Variants in KLF13 observed in about 807,000 individuals in gnomAD.
The protein encoded by KLF13 is Krueppel-like factor 13.
KLF13 carries 8 observed loss-of-function variants against 16.7 expected under a neutral mutation model. The ratio of observed to expected loss-of-function variants is 0.48; its 90% CI spans 0.28 to 0.87. The LOEUF is 0.87. Ranked by LOEUF, KLF13 falls within the 40% of genes least tolerant of loss-of-function variation. The pLI, the probability that KLF13 is intolerant of heterozygous loss-of-function variation, is 0.10. For missense variants in KLF13, 447 were observed against 452.2 expected (o/e 0.99, Z 0.10); for synonymous variants, 245 against 208.4 (o/e 1.18, Z -1.51).
At chr15:31,327,878 G>T in intron 1 of KLF13, 89 bp downstream of exon 1, 1 of 1,191,416 alleles carries the variant, frequency 8.4e-7, no homozygotes, top group Non-Finnish European at 1.0e-6. Flanking sequence ...GATGGGGCGC[G>T]AGGTGGGGGC....
intron 1 of KLF13, among the ~76,000 whole-genome samples, chr15:31,422,730 T>C (rs1338463010): frequency 1.3e-5 from 2 of 151,960 alleles, no homozygotes; most frequent in Admixed American, 6.6e-5. Flanking sequence ...AATGAACATA[T>C]AACAATAAAA....
chr15:31,395,679 C>G (rs958583654), intron 2 of KLF13, among the ~76,000 whole-genome samples: 3 of 152,166 alleles, frequency 2.0e-5, no homozygotes, highest in Admixed American at 2.0e-4. Flanking sequence ...TCATAGCCAT[C>G]GTCACGGATG....
intron 1 of KLF13, among the ~76,000 whole-genome samples, chr15:31,333,314 G>T (rs58958121): frequency 6.6e-6 from 1 of 152,210 alleles, no homozygotes; most frequent in African/African-American, 2.4e-5. Flanking sequence ...AGCCTGGGCA[G>T]CCGCCCCCGA....
intron 1 of KLF13, among the ~76,000 whole-genome samples, chr15:31,334,398 C>G (rs1368121716): frequency 6.6e-6 from 1 of 152,078 alleles, no homozygotes; most frequent in African/African-American, 2.4e-5. Context: ...GTCCTAAGTC[C>G]ACACACCTGA....
intron 1 of KLF13, among the ~76,000 whole-genome samples, chr15:31,329,271 C>T (rs946473995): frequency 7.0e-6 from 1 of 142,882 alleles, no homozygotes; most frequent in African/African-American, 2.7e-5. Flanking sequence ...GTGGGTGTGG[C>T]CCTGGGGGAG....
intron 1 of KLF13, among the ~76,000 whole-genome samples, chr15:31,428,815 A>AGAAAAG (rs1259542129): frequency 6.9e-5 from 10 of 144,038 alleles, no homozygotes; most frequent in African/African-American, 2.1e-4. Context: ...AAAAAAAAAA[A>AGAAAAG]AAAAAAAAAA....
rs374337222 is a variant in KLF13, at chr15:31,371,979, G to A, written c.578-31G>A. 47 of 1,567,184 alleles carry A rather than the reference G, an allele frequency of 3.0e-5. No individual in the cohort carries two copies. The African/African-American group carries it at 4.6e-4, about 15-fold the overall frequency. ...AGGGTGTGAAGGCGGGGCCAGGTGC[G>A]GATACTGATGCTCTGCCCCTGTGCC... On this transcript the variant is annotated intron_variant, in intron 1 of 1. Coordinates refer to ENST00000307145, the MANE Select transcript of KLF13 (RefSeq NM_015995.4).
At chr15:31,359,453 T>C (rs2039348971) in intron 1 of KLF13, among the ~76,000 whole-genome samples, 1 of 152,140 alleles carries the variant, frequency 6.6e-6, no homozygotes, top group Admixed American at 6.5e-5. Flanking sequence ...TTCTTAGGGA[T>C]TGGGGTGCTG....
rs1312840531 is a variant in KLF13 at position 31,423,115 on chromosome 15, ATATATACG to A, written n.118-12248_118-12241del. On this transcript the variant is annotated intron_variant and non_coding_transcript_variant, in intron 1 of 1. Transcript: ENST00000558225. Reference sequence around the variant, plus strand: ...CGTATATATACGTATACGTATACGTATATATACGTATATATACGTATACGTATACGTAT... The same window carrying A: ...CGTATATATACGTATACGTATACGTATATATATACGTATACGTATACGTAT... Among the ~76,000 whole-genome samples, 3 of 129,078 alleles carry A rather than the reference ATATATACG, an allele frequency of 2.3e-5. 1 individual carries two copies. Among genetic ancestry groups the A allele is most frequent in the Admixed American group, 1.5e-4 (2 of 13,788 alleles). 84.7% of individuals were successfully genotyped at this position (129,078 alleles called of 152,430 possible).
intron 1 of KLF13, among the ~76,000 whole-genome samples, chr15:31,429,370 A>G (rs1215262551): frequency 6.6e-6 from 1 of 152,230 alleles, no homozygotes; most frequent in Non-Finnish European, 1.5e-5. Flanking sequence ...CTTACATATG[A>G]TACCAAGAAT....
upstream of KLF13, among the ~76,000 whole-genome samples, chr15:31,392,109 C>T (rs2039880189): frequency 6.6e-6 from 1 of 152,114 alleles, no homozygotes; most frequent in Non-Finnish European, 1.5e-5. Flanking sequence ...CCTCGGACCC[C>T]GGCCAGCCCC....
At chr15:31,333,642 A>G (rs1421102698) in intron 1 of KLF13, among the ~76,000 whole-genome samples, 1 of 151,990 alleles carries the variant, frequency 6.6e-6, no homozygotes, top group Non-Finnish European at 1.5e-5. Context: ...TTTAAATATT[A>G]TATATTATCT....
chr15:31,351,312 A>G (rs1022629876), intron 1 of KLF13, among the ~76,000 whole-genome samples: 1 of 152,260 alleles, frequency 6.6e-6, no homozygotes, highest in South Asian at 2.1e-4. Flanking sequence ...AGGAAAATTA[A>G]TGAAGAGGAA....
At chr15:31,416,601 C>T (rs527277039) in intron 1 of KLF13, among the ~76,000 whole-genome samples, 37 of 152,058 alleles carry the variant, frequency 2.4e-4, no homozygotes, top group Non-Finnish European at 4.9e-4. Flanking sequence ...GAGAAAAACA[C>T]TTACCAAACT....
At chr15:31,414,113 G>A (rs1158092491) in intron 1 of KLF13, among the ~76,000 whole-genome samples, 2 of 152,150 alleles carry the variant, frequency 1.3e-5, no homozygotes, top group Non-Finnish European at 2.9e-5. Flanking sequence ...TATAGGAATA[G>A]TGTTCTTAAT....
Position 31,374,812 on chromosome 15 carries a change from A to G in KLF13, c.*2513A>G, listed in dbSNP as rs575585415. The G allele has an allele frequency of 7.9e-6, 1 of 126,496 alleles. No homozygotes were observed. Among genetic ancestry groups the G allele is most frequent in the East Asian group, 2.6e-4 (1 of 3,876 alleles). 7.8% of individuals were successfully genotyped at this position (126,496 alleles called of 1,614,324 possible). On this transcript the variant is annotated 3_prime_UTR_variant, in exon 2 of 2. Coordinates refer to ENST00000307145, the MANE Select transcript of KLF13 (RefSeq NM_015995.4). ...AAAAGATAGGACTCTAAACCTAGTCATCTTGGAATAAAAAGAAGAGCTGGT... is the reference window on the plus strand; with the variant it reads ...AAAAGATAGGACTCTAAACCTAGTCGTCTTGGAATAAAAAGAAGAGCTGGT...
At chr15:31,383,954 G>A (rs923816564) in intron 1 of KLF13, among the ~76,000 whole-genome samples, 7 of 152,084 alleles carry the variant, frequency 4.6e-5, no homozygotes, top group East Asian at 3.9e-4. Flanking sequence ...AAGATGTTTC[G>A]AATAGCTTAA....
intron 2 of KLF13, among the ~76,000 whole-genome samples, chr15:31,401,548 G>C (rs1416759943): frequency 6.6e-6 from 1 of 152,236 alleles, no homozygotes; most frequent in Admixed American, 6.5e-5. Flanking sequence ...CTTGGGGTGA[G>C]AGCCTGTGCT....
chr15:31,363,182 G>A (rs1387909664), intron 1 of KLF13, among the ~76,000 whole-genome samples: 1 of 152,234 alleles, frequency 6.6e-6, no homozygotes, highest in Non-Finnish European at 1.5e-5. Context: ...TCACCAAGGT[G>A]ATAAGCTACC....
Sources: gnomAD v4.1 joint callset for allele counts (sites outside exome capture counted in the v4.1 genomes callset) on GRCh38, gnomAD v4.1.1 for gene constraint, MANE v1.5 for transcripts, NCBI Gene and HGNC (gene_info 2026-07-23, HGNC 2026-07-21) for gene names.